Variants in HDAC9 observed in about 807,000 individuals in gnomAD.
The protein encoded by HDAC9 is MEF-2 interacting transcription repressor (MITR) protein.
A neutral mutation model predicts 139.4 loss-of-function variants in HDAC9; 41 were observed. The observed-to-expected ratio is 0.29, with a 90% CI of 0.23 to 0.38. The LOEUF (loss-of-function observed/expected upper bound fraction) is 0.38. HDAC9 is among the 10% of genes least tolerant of loss of function. The pLI is 1.00. For missense variants in HDAC9, 1,147 were observed against 1,297.0 expected, an observed-to-expected ratio of 0.88 and a Z score of 1.78; for synonymous variants, 517 against 476.2, an observed-to-expected ratio of 1.09 and a Z score of -1.12.
chr7:18,257,724 A>G (rs1232166954), intron 2 of HDAC9, among the ~76,000 whole-genome samples: 1 of 152,240 alleles, frequency 6.6e-6, no homozygotes, highest in Admixed American at 6.5e-5. Context: ...ATAGAATGTA[A>G]TGAGTAATGA....
intron 1 of HDAC9, among the ~76,000 whole-genome samples, chr7:18,385,020 C>T (rs1785787490): frequency 6.6e-6 from 1 of 152,156 alleles, no homozygotes; most frequent in African/African-American, 2.4e-5. Context: ...GAGACTCTGC[C>T]TGAGATAATC....
intron 1 of HDAC9, among the ~76,000 whole-genome samples, chr7:18,356,071 T>TA (rs1444479880): frequency 6.6e-6 from 1 of 152,122 alleles, no homozygotes; most frequent in Non-Finnish European, 1.5e-5. Flanking sequence ...TTATGGTATC[T>TA]AAATATACCT....
intron 12 of HDAC9, among the ~76,000 whole-genome samples, chr7:18,697,628 T>A (rs991753520): frequency 6.6e-6 from 1 of 152,206 alleles, no homozygotes; most frequent in African/African-American, 2.4e-5. Context: ...GCTAATCTTT[T>A]AGACACTGAT....
intron 23 of HDAC9, among the ~76,000 whole-genome samples, chr7:18,948,232 AAAAG>A (rs1296547629): frequency 2.0e-5 from 3 of 151,980 alleles, no homozygotes; most frequent in African/African-American, 4.8e-5. Context: ...TATTGTAAAA[AAAAG>A]AAAAAGATAT....
intron 1 of HDAC9, among the ~76,000 whole-genome samples, chr7:18,474,788 A>G (rs1267800396): frequency 1.3e-5 from 2 of 152,110 alleles, no homozygotes; most frequent in Non-Finnish European, 2.9e-5. Context: ...TGGAAAATCT[A>G]GAGGAGAAAA....
chr7:18,805,325 G>A (rs1441064691), intron 17 of HDAC9, among the ~76,000 whole-genome samples: 7 of 152,148 alleles, frequency 4.6e-5, no homozygotes, highest in East Asian at 3.9e-4. Context: ...GGGGTAGGAC[G>A]TTCACTAGAA....
chr7:18,544,587 T>C (rs1814134469), intron 2 of HDAC9, among the ~76,000 whole-genome samples: 1 of 152,128 alleles, frequency 6.6e-6, no homozygotes, highest in Admixed American at 6.5e-5. Flanking sequence ...AAGATACAAG[T>C]TCTGAGGTCT....
chr7:18,706,086 A>G (rs919468433), intron 12 of HDAC9, among the ~76,000 whole-genome samples: 1 of 147,628 alleles, frequency 6.8e-6, no homozygotes, highest in African/African-American at 2.5e-5. Context: ...AAAATGTCCC[A>G]TCTTTCTTGC....
chr7:18,829,295 C>T, intron 18 of HDAC9, 79 bp downstream of exon 18: 1 of 1,265,056 alleles, frequency 7.9e-7, no homozygotes, highest in South Asian at 1.2e-5. Context: ...TTTCTGAAGC[C>T]TCTAATTGTT....
chr7:18,479,162 A>C (rs1795350988), intron 1 of HDAC9, among the ~76,000 whole-genome samples: 1 of 152,000 alleles, frequency 6.6e-6, no homozygotes, highest in South Asian at 2.1e-4. Flanking sequence ...GTGTTCTTTT[A>C]TGTCTCATTT....
intron 2 of HDAC9, among the ~76,000 whole-genome samples, chr7:18,164,343 G>A (rs1472746438): frequency 6.6e-6 from 1 of 152,092 alleles, no homozygotes; most frequent in Non-Finnish European, 1.5e-5. Context: ...GCATCTTAGG[G>A]TGCCGTATAT....
chr7:18,428,068 A>AT (rs1010932617), intron 1 of HDAC9, among the ~76,000 whole-genome samples: 7 of 152,136 alleles, frequency 4.6e-5, no homozygotes, highest in African/African-American at 1.2e-4. Context: ...CAGGACTTCC[A>AT]TTTTTTTAAG....
At chr7:18,429,826 TC>T (rs768005931) in intron 1 of HDAC9, among the ~76,000 whole-genome samples, 19 of 152,218 alleles carry the variant, frequency 1.2e-4, no homozygotes, top group Admixed American at 2.6e-4. Context: ...CACATTTTTC[TC>T]AGTGGACTGA....
At chr7:18,815,735 C>T (rs1794515293) in intron 17 of HDAC9, among the ~76,000 whole-genome samples, 1 of 152,214 alleles carries the variant, frequency 6.6e-6, no homozygotes, top group Non-Finnish European at 1.5e-5. Context: ...CTTTGGGATC[C>T]ACCATCCAGT....
intron 12 of HDAC9, among the ~76,000 whole-genome samples, chr7:18,677,645 C>T (rs1350731073): frequency 6.6e-6 from 1 of 151,782 alleles, no homozygotes; most frequent in East Asian, 1.9e-4. Flanking sequence ...TTGATATTGT[C>T]GGGTTTTTCT....
At chr7:18,778,259 T>G (rs2129169271) in intron 16 of HDAC9, among the ~76,000 whole-genome samples, 1 of 152,096 alleles carries the variant, frequency 6.6e-6, no homozygotes, top group African/African-American at 2.4e-5. Flanking sequence ...TATGAAGTAT[T>G]AAATCCATGC....
chr7:18,348,896 A>G (rs1227471187), intron 1 of HDAC9, among the ~76,000 whole-genome samples: 2 of 152,140 alleles, frequency 1.3e-5, no homozygotes, highest in Non-Finnish European at 2.9e-5. Context: ...TTTAGGTATT[A>G]TGACTATTTA....
At chr7:18,338,040 A>G (rs1424053287) in intron 1 of HDAC9, among the ~76,000 whole-genome samples, 2 of 151,716 alleles carry the variant, frequency 1.3e-5, no homozygotes, top group Non-Finnish European at 2.9e-5. Flanking sequence ...AGGCATTACT[A>G]TTTTTCACTA....
At chr7:18,366,874 G>A (rs1045418008) in intron 1 of HDAC9, among the ~76,000 whole-genome samples, 5 of 149,022 alleles carry the variant, frequency 3.4e-5, no homozygotes, top group Admixed American at 2.0e-4. Flanking sequence ...TCTATATATT[G>A]TGTACTTAAT....
Sources: gnomAD v4.1 joint callset for allele counts (sites outside exome capture counted in the v4.1 genomes callset) on GRCh38, gnomAD v4.1.1 for gene constraint, MANE v1.5 for transcripts, NCBI Gene and HGNC (gene_info 2026-07-23, HGNC 2026-07-21) for gene names.